The following FAM114A2 variants were observed in gnomAD, a reference collection of about 807,000 sequenced individuals.
The protein encoded by FAM114A2 is family with sequence similarity 114 member A2, also known as protein FAM114A2.
A neutral mutation model predicts 58.4 loss-of-function variants in FAM114A2; 53 were observed. That is an observed-to-expected ratio of 0.91 (90% CI 0.73 to 1.14). The LOEUF (loss-of-function observed/expected upper bound fraction) is 1.14. Ranked by LOEUF, FAM114A2 falls within the 50% of genes most tolerant of loss-of-function variation. FAM114A2 has a pLI of 0.00. For missense variants in FAM114A2, 601 were observed against 581.1 expected (o/e 1.03, Z -0.35); for synonymous variants, 228 against 211.4 (o/e 1.08, Z -0.68).
intron 8 of FAM114A2, among the ~76,000 whole-genome samples, chr5:154,011,604 T>C (rs1010175814): frequency 3.9e-5 from 6 of 152,198 alleles, no homozygotes; most frequent in African/African-American, 1.4e-4. Flanking sequence ...CAAGACTGCA[T>C]AGCAAAGATT....
At chr5:154,038,193 A>G (rs1772721794) in intron 1 of FAM114A2, 1 of 152,238 alleles carries the variant, frequency 6.6e-6, no homozygotes. Flanking sequence ...AATAACTGTA[A>G]ATAAATACGG....
intron 8 of FAM114A2, among the ~76,000 whole-genome samples, chr5:154,023,841 A>G (rs1389668729): frequency 6.6e-6 from 1 of 152,212 alleles, no homozygotes; most frequent in African/African-American, 2.4e-5. Flanking sequence ...GTAATTATAA[A>G]TGATATACAT....
intron 8 of FAM114A2, among the ~76,000 whole-genome samples, chr5:154,022,404 TC>T (rs1452153009): frequency 6.6e-6 from 1 of 152,142 alleles, no homozygotes; most frequent in Non-Finnish European, 1.5e-5. Flanking sequence ...AGGGCTGATA[TC>T]CAGAATTTAC....
intron 8 of FAM114A2, among the ~76,000 whole-genome samples, chr5:154,019,311 G>A (rs966726143): frequency 6.6e-6 from 1 of 151,950 alleles, no homozygotes; most frequent in Non-Finnish European, 1.5e-5. Context: ...AAATATTTAG[G>A]AATATACCCA....
At chr5:154,016,685 A>C (rs1204020411) in intron 8 of FAM114A2, among the ~76,000 whole-genome samples, 1 of 152,164 alleles carries the variant, frequency 6.6e-6, no homozygotes, top group Non-Finnish European at 1.5e-5. Flanking sequence ...TACTTAAAGC[A>C]TAAATCTCAT....
chr5:154,002,868 T>A lies in FAM114A2; in HGVS notation c.1095A>T (p.Gln365His). 6.2e-7 allele frequency: 1 copy of A among 1,614,146 alleles called. No homozygotes were observed. The highest frequency in any genetic ancestry group is 1.7e-5 in the Admixed American group (1 of 60,032). ...EKQSEAENTE[Q>H]VNKNSIEDIH... is the part of the protein sequence containing the mutation. Reference sequence around the variant, plus strand: ...CTACCTCTATTGAATTTTTGTTGACTTGCTCAGTATTTTCTGCTTCCGACT... The same window carrying A: ...CTACCTCTATTGAATTTTTGTTGACATGCTCAGTATTTTCTGCTTCCGACT... Residue 365 changes from glutamine (Q) to histidine (H), a missense_variant, in exon 10 of 14, where the codon CAA becomes CAT. Transcript: ENST00000351797.
chr5:154,023,857 T>C (rs775331775), intron 8 of FAM114A2, among the ~76,000 whole-genome samples: 2 of 152,080 alleles, frequency 1.3e-5, no homozygotes, highest in Non-Finnish European at 2.9e-5. Flanking sequence ...TACATGTATA[T>C]TTCTTCTCCT....
chr5:154,011,802 A>G, intron 8 of FAM114A2, among the ~76,000 whole-genome samples: 1 of 152,130 alleles, frequency 6.6e-6, no homozygotes, highest in East Asian at 1.9e-4. Flanking sequence ...GAGAATAGGA[A>G]GAGTTTCAGG....
intron 8 of FAM114A2, among the ~76,000 whole-genome samples, chr5:154,018,272 C>T (rs1771176598): frequency 6.6e-6 from 1 of 152,126 alleles, no homozygotes; most frequent in South Asian, 2.1e-4. Flanking sequence ...TTCATGGCTG[C>T]TATGAACACC....
At chr5:154,014,632 A>G (rs1436135174) in intron 8 of FAM114A2, among the ~76,000 whole-genome samples, 1 of 152,164 alleles carries the variant, frequency 6.6e-6, no homozygotes, top group African/African-American at 2.4e-5. Flanking sequence ...GGGTAGAGGA[A>G]GCAGTAGGAA....
intron 6 of FAM114A2, 99 bp from the exon 7 acceptor site, chr5:154,027,433 AGAG>A: frequency 2.2e-6 from 2 of 924,406 alleles, no homozygotes; most frequent in Non-Finnish European, 3.1e-6. Context: ...GTTAGAGTAC[AGAG>A]GATTGCCCTT....
In FAM114A2 at chr5:153,993,030, C is replaced by G; in HGVS notation, c.1464G>C (p.Lys488Asn). 1 of 1,613,610 alleles carries G rather than the reference C, an allele frequency of 6.2e-7. No individual in the cohort carries two copies. The highest frequency in any genetic ancestry group is 8.5e-7 in the Non-Finnish European group (1 of 1,179,616). ...PVLEISLIEN[K>N]IESHRHELQG... ...GCAGCTCATGTCTGTGTGATTCAAT[C>G]TTGTTCTCAATGAGAGAGATCTCTA... The change falls in exon 14 of 14, where the codon AAG becomes AAC. Residue 488 changes from lysine to asparagine, a missense_variant. Transcript: ENST00000351797.
At chr5:154,009,715 G>A (rs182804697) in intron 9 of FAM114A2, among the ~76,000 whole-genome samples, 114 of 152,204 alleles carry the variant, frequency 7.5e-4, no homozygotes, top group African/African-American at 2.6e-3. Context: ...GGAGTATTTT[G>A]GCCAGGAATG....
In FAM114A2 at chr5:154,012,218, G is replaced by A. The variant is rs117167450; in HGVS notation, c.914-898C>T. The stretch of plus-strand genomic sequence containing the variant: ...AGAGAAGCAAAGGGGATTCCAGAAC[G>A]TTGGAAGGATGGTAAGGAAGCTGTT... On this transcript the variant is annotated intron_variant, in intron 8 of 13. Transcript: ENST00000351797. Among the ~76,000 whole-genome samples the A allele has an allele frequency of 3.0e-3, 452 of 152,288 alleles. 19 individuals are homozygous for A. In the East Asian group the frequency reaches 0.077, roughly 26 times the overall value.
intron 8 of FAM114A2, among the ~76,000 whole-genome samples, chr5:154,020,231 T>G (rs1315857850): frequency 6.6e-6 from 1 of 151,778 alleles, no homozygotes; most frequent in African/African-American, 2.4e-5. Flanking sequence ...ACATCACAAT[T>G]AAAAGAACTA....
Position 154,021,138 on chromosome 5 carries a change from A to G in FAM114A2, c.913+5261T>C, listed in dbSNP as rs543985387. 3.3e-5 allele frequency among the ~76,000 whole-genome samples: 5 copies of G among 152,310 alleles called. No individual in the cohort carries two copies. The East Asian group carries it at 9.6e-4, about 29-fold the overall frequency. ...CTCTCAATAAACTAGGTATTGATGG[A>G]ACGTATCTCAAAATAATAAGAGCTA... On this transcript the variant is annotated intron_variant, in intron 8 of 13. Coordinates refer to ENST00000351797, the MANE Select transcript of FAM114A2 (RefSeq NM_018691.4).
chr5:154,027,342 G>A lies in FAM114A2; in HGVS notation c.631-8C>T. 6.2e-7 allele frequency: 1 copy of A among 1,607,500 alleles called. No individual in the cohort carries two copies. On this transcript the variant is annotated splice_region_variant and splice_polypyrimidine_tract_variant and intron_variant, in intron 6 of 13. Transcript: ENST00000351797. ...CTTCGCCTCTCGTAAAACCTAAAAAGAGATGGAGGCATTACACTGTAGCAA... is the reference window on the plus strand; with the variant it reads ...CTTCGCCTCTCGTAAAACCTAAAAAAAGATGGAGGCATTACACTGTAGCAA...
intron 8 of FAM114A2, among the ~76,000 whole-genome samples, chr5:154,014,544 C>A (rs1770900450): frequency 6.6e-6 from 1 of 152,126 alleles, no homozygotes; most frequent in Non-Finnish European, 1.5e-5. Flanking sequence ...CACTGGGGAA[C>A]CTGAGGGTCT....
intron 1 of FAM114A2, among the ~76,000 whole-genome samples, chr5:154,035,720 G>C (rs1482857806): frequency 6.6e-6 from 1 of 152,090 alleles, no homozygotes; most frequent in Non-Finnish European, 1.5e-5. Context: ...GCAACTGCTG[G>C]GTCATATGGT....
Sources: allele counts gnomAD v4.1 joint callset (sites outside exome capture counted in the v4.1 genomes callset), GRCh38; gene constraint gnomAD v4.1.1; transcripts MANE v1.5; gene names NCBI Gene and HGNC (gene_info 2026-07-23, HGNC 2026-07-21).